Variants in ZNF684 observed in about 807,000 individuals in gnomAD.
The protein encoded by ZNF684 is hypothetical protein MGC27466.
A neutral mutation model predicts 12.8 loss-of-function variants in ZNF684; 13 were observed. The observed-to-expected ratio is 1.02, with a 90% CI of 0.66 to 1.62. The LOEUF (loss-of-function observed/expected upper bound fraction) is 1.62. Among genes scored for constraint, ZNF684 ranks in the 40% most tolerant of loss-of-function variants. The pLI is 0.00. For missense variants in ZNF684, 384 were observed against 446.9 expected (o/e 0.86, Z 1.27); for synonymous variants, 118 against 151.8 (o/e 0.78, Z 1.64).
chr1:40,539,741 T>C (rs1251043739), intron 2 of ZNF684, among the ~76,000 whole-genome samples: 2 of 139,334 alleles, frequency 1.4e-5, no homozygotes, highest in Non-Finnish European at 3.2e-5. Flanking sequence ...TTTCTTTTTA[T>C]TTTTTTTTCT....
chr1:40,536,410 GAAAA>G (rs71577627), intron 2 of ZNF684, among the ~76,000 whole-genome samples: 1 of 109,210 alleles, frequency 9.2e-6, no homozygotes, highest in Non-Finnish European at 2.0e-5. Context: ...AAAAAAAAAA[GAAAA>G]AAAAAAGGAC....
chr1:40,542,390 G>T (rs1646021071), intron 4 of ZNF684, among the ~76,000 whole-genome samples: 1 of 151,826 alleles, frequency 6.6e-6, no homozygotes, highest in Non-Finnish European at 1.5e-5. Flanking sequence ...TGATAATTTG[G>T]GATATGTCTT....
chr1:40,537,568 C>T (rs1024252870), intron 2 of ZNF684, among the ~76,000 whole-genome samples: 10 of 152,042 alleles, frequency 6.6e-5, no homozygotes, highest in Middle Eastern at 3.4e-3. Context: ...GGTGAAACTC[C>T]GTCTCTACTA....
At position 40,546,711 on chromosome 1, in the gene ZNF684, A is replaced by G. The variant is rs926082745; in HGVS notation, c.388A>G (p.Lys130Glu). The G allele has an allele frequency of 2.5e-6, 4 of 1,614,028 alleles. No homozygotes were observed. Among genetic ancestry groups the G allele is most frequent in the Non-Finnish European group, 3.4e-6 (4 of 1,179,998 alleles). ...GAGCACAAGTCTTAATCCAATGAGA[A>G]AAAAATCATATAAATCGTTTGAGAA... ...NMSTSLNPMR[K>E]KSYKSFEKCL... The change falls in exon 5 of 5, where the codon AAA (lysine) becomes GAA (glutamate). Residue 130 changes from lysine (K) to glutamate (E), a missense_variant. Coordinates refer to ENST00000372699, the MANE Select transcript of ZNF684 (RefSeq NM_152373.4).
intron 4 of ZNF684, among the ~76,000 whole-genome samples, chr1:40,543,583 A>G (rs1017004266): frequency 6.6e-6 from 1 of 151,508 alleles, no homozygotes; most frequent in Non-Finnish European, 1.5e-5. Context: ...CAGCCTCCCG[A>G]GTAGCTGGGA....
At chr1:40,540,836 G>A (rs1284728544) in intron 3 of ZNF684, 124 bp downstream of exon 3, 3 of 1,013,622 alleles carry the variant, frequency 3.0e-6, no homozygotes, top group Non-Finnish European at 4.0e-6. Flanking sequence ...CACTTTGGGA[G>A]GCAGGAGAAT....
intron 3 of ZNF684, among the ~76,000 whole-genome samples, chr1:40,541,143 T>C (rs1008508388): frequency 6.6e-6 from 1 of 151,384 alleles, no homozygotes; most frequent in Non-Finnish European, 1.5e-5. Context: ...GAGCTTCACG[T>C]AGTCTGCTTA....
intron 4 of ZNF684, among the ~76,000 whole-genome samples, chr1:40,545,895 C>T (rs1646043663): frequency 1.4e-5 from 2 of 147,496 alleles, no homozygotes; most frequent in African/African-American, 5.0e-5. Context: ...CCCTTAATCC[C>T]TTTGCCTTTG....
intron 2 of ZNF684, 69 bp from the exon 3 acceptor site, chr1:40,540,517 C>T (rs1275304471): frequency 1.5e-5 from 22 of 1,461,556 alleles, no homozygotes; most frequent in Non-Finnish European, 2.0e-5. Context: ...TATTAAGGAG[C>T]TGCCTTGATT....
Position 40,547,207 on chromosome 1 carries a change from G to T in ZNF684, c.884G>T (p.Gly295Val), listed in dbSNP as rs1014149437. Residue 295 changes from glycine to valine, a missense_variant, in exon 5 of 5, where the codon GGA becomes GTA. By Grantham distance (109) the Gly-to-Val change is moderately radical. Transcript: ENST00000372699. ...SLYKHSRFHT[G>V]EKPYQCIICG... The stretch of plus-strand genomic sequence containing the variant: ...TATAAACATTCCAGATTTCATACAG[G>T]AGAGAAACCCTACCAGTGTATCATA... 4 of 1,614,062 alleles carry T rather than the reference G, an allele frequency of 2.5e-6. No homozygotes were observed. Among genetic ancestry groups the T allele is most frequent in the African/African-American group, 1.3e-5 (1 of 74,916 alleles).
intron 2 of ZNF684, among the ~76,000 whole-genome samples, chr1:40,536,720 G>A (rs1394256396): frequency 7.0e-6 from 1 of 142,244 alleles, no homozygotes. Flanking sequence ...GTGTCCATGT[G>A]TTCTCATTGT....
At position 40,541,730 on chromosome 1, in the gene ZNF684, A is replaced by T; in HGVS notation, c.238+20A>T. 6.2e-7 allele frequency: 1 copy of T among 1,600,952 alleles called. No individual in the cohort carries two copies. The highest frequency in any genetic ancestry group is 8.5e-7 in the Non-Finnish European group (1 of 1,169,856). The stretch of plus-strand genomic sequence containing the variant: ...CTCCAGGTGAGTGAGAGAAATTCAG[A>T]TGGGGCTGTGTGGAGTTGAGATCCC... On this transcript the variant is annotated intron_variant, in intron 4 of 4. Transcript: ENST00000372699.
rs566479835 is a variant in ZNF684, at chr1:40,536,551, T to C, written c.15+3370T>C. Among the ~76,000 whole-genome samples, 6 of 149,574 alleles carry C rather than the reference T, an allele frequency of 4.0e-5. No individual in the cohort carries two copies. The East Asian group carries it at 1.2e-3, about 29-fold the overall frequency. The stretch of plus-strand genomic sequence containing the variant: ...TTTATACTTTAAGTTTTAGGGTACA[T>C]GTGCACAATGTGCAGGTTAGTTACA... On this transcript the variant is annotated intron_variant, in intron 2 of 4. Coordinates refer to ENST00000372699, the MANE Select transcript of ZNF684 (RefSeq NM_152373.4).
At chr1:40,539,239 C>T (rs914068422) in intron 2 of ZNF684, among the ~76,000 whole-genome samples, 5 of 152,052 alleles carry the variant, frequency 3.3e-5, no homozygotes, top group African/African-American at 1.2e-4. Context: ...CCATGTTAGC[C>T]AGGATGGTCT....
At chr1:40,534,642 G>A (rs1570105310) in intron 2 of ZNF684, among the ~76,000 whole-genome samples, 1 of 151,982 alleles carries the variant, frequency 6.6e-6, no homozygotes, top group East Asian at 1.9e-4. Flanking sequence ...TTGAGAATGA[G>A]GTAGGCCTTT....
intron 2 of ZNF684, among the ~76,000 whole-genome samples, chr1:40,536,597 T>G: frequency 6.7e-6 from 1 of 148,628 alleles, no homozygotes; most frequent in South Asian, 2.1e-4. Flanking sequence ...TGTGCCATGC[T>G]GGTGCGCTAC....
intron 2 of ZNF684, among the ~76,000 whole-genome samples, chr1:40,533,722 C>T (rs1427742832): frequency 6.6e-6 from 1 of 152,052 alleles, no homozygotes; most frequent in Non-Finnish European, 1.5e-5. Context: ...TGTACCTTTT[C>T]CAGTCTCTAG....
Position 40,546,774 on chromosome 1 carries a change from A to T in ZNF684, c.451A>T (p.Arg151Ter), listed in dbSNP as rs1189227480. The change falls in exon 5 of 5, where the codon AGA becomes TGA. Residue 151 changes from arginine (R) to a stop codon, truncating the protein, a stop_gained. Coordinates refer to ENST00000372699, the MANE Select transcript of ZNF684 (RefSeq NM_152373.4). LOFTEE classifies it low-confidence loss of function (END_TRUNC). ...PPNLDLLKYN[R>*]SYTVENAYEC... ...TAATTTAGACTTACTTAAATATAAT[A>T]GAAGTTATACTGTAGAAAACGCTTA... 6.2e-7 allele frequency: 1 copy of T among 1,612,672 alleles called. No individual in the cohort carries two copies. The highest frequency in any genetic ancestry group is 1.7e-5 in the Admixed American group (1 of 59,728).
rs1460527951 is a variant in ZNF684 at position 40,536,408 on chromosome 1, AAG to A, written c.15+3229_15+3230del. 4.5e-3 allele frequency among the ~76,000 whole-genome samples: 514 copies of A among 115,360 alleles called. 3 individuals are homozygous for A. Among genetic ancestry groups the A allele is most frequent in the Non-Finnish European group, 5.8e-3 (278 of 48,066 alleles). The allele number at this position is 115,360 out of a possible 152,430, so 75.7% of individuals were successfully genotyped here. On this transcript the variant is annotated intron_variant, in intron 2 of 4. Transcript: ENST00000372699. ...GACTCCGTCTCACAAAAAAAAAAAA[AAG>A]AAAAAAAAAAGGACATATTTTATCA...
Sources: allele counts gnomAD v4.1 joint callset (sites outside exome capture counted in the v4.1 genomes callset), GRCh38; gene constraint gnomAD v4.1.1; transcripts MANE v1.5; gene names NCBI Gene and HGNC (gene_info 2026-07-23, HGNC 2026-07-21).